EGLN1: variants seen among roughly 807,000 people sequenced by gnomAD.
The protein encoded by EGLN1 is egl nine homolog 1.
A neutral mutation model predicts 38.3 loss-of-function variants in EGLN1; 17 were observed. The ratio of observed to expected loss-of-function variants is 0.44; its 90% CI spans 0.30 to 0.67. EGLN1 has a LOEUF of 0.67. Ranked by LOEUF, EGLN1 falls within the 30% of genes least tolerant of loss-of-function variation. The probability of loss-of-function intolerance (pLI) is 0.08; values close to 1 mark genes in which losing one functional copy is unlikely to be tolerated. For missense variants in EGLN1, 477 were observed against 603.3 expected (o/e 0.79, Z 2.19); for synonymous variants, 283 against 257.5 (o/e 1.10, Z -0.95).
chr1:231,413,336 A>G (rs771493286), intron 1 of EGLN1, among the ~76,000 whole-genome samples: 2 of 152,042 alleles, frequency 1.3e-5, no homozygotes, highest in African/African-American at 4.8e-5. Context: ...TCGACCTCCC[A>G]AAGTGCCGTG....
At chr1:231,409,228 T>C (rs941114820) in intron 1 of EGLN1, among the ~76,000 whole-genome samples, 1 of 147,060 alleles carries the variant, frequency 6.8e-6, no homozygotes, top group Non-Finnish European at 1.5e-5. Context: ...TTAGAAGTCT[T>C]AGCCTAATTT....
At chr1:231,371,875 T>A (rs1366218894) in intron 2 of EGLN1, among the ~76,000 whole-genome samples, 1 of 152,176 alleles carries the variant, frequency 6.6e-6, no homozygotes, top group Non-Finnish European at 1.5e-5. Context: ...AAACCTAGAA[T>A]CTATAGTTAA....
At chr1:231,415,231 C>T (rs1689048186) in intron 1 of EGLN1, among the ~76,000 whole-genome samples, 1 of 150,374 alleles carries the variant, frequency 6.7e-6, no homozygotes, top group African/African-American at 2.5e-5. Context: ...CATAATTGCA[C>T]CACTGCACTC....
intron 1 of EGLN1, among the ~76,000 whole-genome samples, chr1:231,385,512 T>G (rs923255089): frequency 6.6e-6 from 1 of 152,226 alleles, no homozygotes; most frequent in African/African-American, 2.4e-5. Flanking sequence ...ATGGTGTGTG[T>G]GTAGACACAT....
intron 1 of EGLN1, among the ~76,000 whole-genome samples, chr1:231,383,448 T>TAA: frequency 6.6e-6 from 1 of 152,146 alleles, no homozygotes; most frequent in South Asian, 2.1e-4. Context: ...AGCAAAGACA[T>TAA]AATTAACTTT....
chr1:231,411,137 T>C (rs1306174058), intron 1 of EGLN1, among the ~76,000 whole-genome samples: 1 of 152,148 alleles, frequency 6.6e-6, no homozygotes, highest in African/African-American at 2.4e-5. Flanking sequence ...TGAATTATAA[T>C]CCCCATTGTC....
At chr1:231,415,166 C>G (rs961130807) in intron 1 of EGLN1, among the ~76,000 whole-genome samples, 1 of 151,248 alleles carries the variant, frequency 6.6e-6, no homozygotes, top group Non-Finnish European at 1.5e-5. Flanking sequence ...CCAGCTACTA[C>G]GGAGACTCAA....
At chr1:231,401,760 T>C (rs1012903749) in intron 1 of EGLN1, among the ~76,000 whole-genome samples, 2 of 152,184 alleles carry the variant, frequency 1.3e-5, no homozygotes, top group Non-Finnish European at 2.9e-5. Flanking sequence ...CTATTTTTGG[T>C]GATAATGAAT....
At chr1:231,383,424 C>G (rs1354943208) in intron 1 of EGLN1, among the ~76,000 whole-genome samples, 1 of 152,180 alleles carries the variant, frequency 6.6e-6, no homozygotes, top group East Asian at 1.9e-4. Flanking sequence ...CTTACTTACA[C>G]AAAGTACCCA....
chr1:231,372,975 T>C (rs925430583), intron 2 of EGLN1, among the ~76,000 whole-genome samples: 1 of 152,286 alleles, frequency 6.6e-6, no homozygotes, highest in Admixed American at 6.5e-5. Context: ...CACTGAACTA[T>C]ACAAGCCACT....
At chr1:231,412,592 T>G (rs1367250846) in intron 1 of EGLN1, among the ~76,000 whole-genome samples, 5 of 152,192 alleles carry the variant, frequency 3.3e-5, no homozygotes, top group Admixed American at 1.3e-4. Context: ...CAATAATTCC[T>G]GAAGGCGGTT....
At chr1:231,371,984 TCC>T (rs1687835613) in intron 2 of EGLN1, among the ~76,000 whole-genome samples, 1 of 152,208 alleles carries the variant, frequency 6.6e-6, no homozygotes. Context: ...TCAGAGTGAT[TCC>T]CCAGGCTACT....
chr1:231,409,303 T>A (rs1036428144), intron 1 of EGLN1, among the ~76,000 whole-genome samples: 1 of 151,850 alleles, frequency 6.6e-6, no homozygotes, highest in Non-Finnish European at 1.5e-5. Flanking sequence ...GGTCTCCTCT[T>A]GTGTGATCCC....
intron 1 of EGLN1, among the ~76,000 whole-genome samples, chr1:231,407,170 T>C (rs997417746): frequency 1.3e-5 from 2 of 152,172 alleles, no homozygotes; most frequent in Admixed American, 1.3e-4. Context: ...TCAAATGACC[T>C]TTACACTGCC....
chr1:231,413,690 C>T (rs574962339), intron 1 of EGLN1, among the ~76,000 whole-genome samples: 2 of 152,130 alleles, frequency 1.3e-5, no homozygotes, highest in South Asian at 4.1e-4. Context: ...TTCAGGACAC[C>T]CTAGCTCCTA....
intron 1 of EGLN1, among the ~76,000 whole-genome samples, chr1:231,383,525 CAAAAAT>C (rs1688124548): frequency 6.6e-6 from 1 of 152,066 alleles, no homozygotes; most frequent in Non-Finnish European, 1.5e-5. Context: ...TTTTGAAAGA[CAAAAAT>C]AGAAGTTTTC....
chr1:231,387,130 A>T (rs1054878412), intron 1 of EGLN1, among the ~76,000 whole-genome samples: 15 of 151,758 alleles, frequency 9.9e-5, no homozygotes, highest in Admixed American at 3.3e-4. Context: ...AAGCACTGAG[A>T]CTACAGGTGT....
intron 1 of EGLN1, among the ~76,000 whole-genome samples, chr1:231,404,436 T>C (rs923556262): frequency 6.6e-6 from 1 of 152,038 alleles, no homozygotes; most frequent in Non-Finnish European, 1.5e-5. Context: ...TACTAAGCAA[T>C]ATCAACAAAC....
intron 1 of EGLN1, among the ~76,000 whole-genome samples, chr1:231,411,935 G>A (rs924178300): frequency 7.1e-6 from 1 of 140,714 alleles, no homozygotes; most frequent in South Asian, 2.3e-4. Flanking sequence ...GAAGGCAGAG[G>A]TTGCAGGCAG....
Sources: gnomAD v4.1 joint callset for allele counts (sites outside exome capture counted in the v4.1 genomes callset) on GRCh38, gnomAD v4.1.1 for gene constraint, MANE v1.5 for transcripts, NCBI Gene and HGNC (gene_info 2026-07-23, HGNC 2026-07-21) for gene names.